The following IER3IP1 variants were observed in gnomAD, a reference collection of about 807,000 sequenced individuals.
The protein encoded by IER3IP1 is immediate early response 3-interacting protein 1.
IER3IP1 carries 16 observed loss-of-function variants against 12.2 expected under a neutral mutation model. That is an observed-to-expected ratio of 1.31 (90% CI 0.89 to 1.99). IER3IP1 has a LOEUF of 1.99. Among genes scored for constraint, IER3IP1 ranks in the 30% most tolerant of loss-of-function variants. IER3IP1 has a pLI of 0.00. For synonymous variants in IER3IP1, 42 were observed against 40.0 expected, an observed-to-expected ratio of 1.05 and a Z score of -0.19; for missense variants, 95 against 95.8, an observed-to-expected ratio of 0.99 and a Z score of 0.03.
Position 47,155,623 on chromosome 18 carries a change from TACTC to T in IER3IP1, c.*550_*553del, listed in dbSNP as rs1645964360. The T allele has an allele frequency of 6.6e-6, 1 of 152,280 alleles. No individual in the cohort carries two copies. The highest frequency in any genetic ancestry group is 2.4e-5 in the African/African-American group (1 of 41,456). 9.4% of individuals were successfully genotyped at this position (152,280 alleles called of 1,614,324 possible). On this transcript the variant is annotated 3_prime_UTR_variant, in exon 3 of 3. Coordinates refer to ENST00000256433, the MANE Select transcript of IER3IP1 (RefSeq NM_016097.5). The stretch of plus-strand genomic sequence containing the variant: ...TCTCCCTGAAATCAGAGAATATTAA[TACTC>T]AATAGTATGTATAAATTTGAATTTA...
intron 1 of IER3IP1, among the ~76,000 whole-genome samples, chr18:47,163,036 T>C (rs2063984719): frequency 6.6e-6 from 1 of 152,080 alleles, no homozygotes; most frequent in Admixed American, 6.6e-5. Flanking sequence ...GGGCATATAC[T>C]CCAAGATCCC....
chr18:47,175,185 T>C (rs2064028349), intron 1 of IER3IP1, among the ~76,000 whole-genome samples: 1 of 152,244 alleles, frequency 6.6e-6, no homozygotes, highest in African/African-American at 2.4e-5. Context: ...ACGGGCATAC[T>C]TGGTACACAA....
At chr18:47,164,228 T>C (rs556009783) in intron 1 of IER3IP1, among the ~76,000 whole-genome samples, 2 of 151,878 alleles carry the variant, frequency 1.3e-5, no homozygotes, top group African/African-American at 4.8e-5. Context: ...TTTAAACATA[T>C]AGTAAGTTAG....
intron 1 of IER3IP1, 97 bp downstream of exon 1, chr18:47,176,090 G>C: frequency 1.0e-6 from 1 of 996,244 alleles, no homozygotes; most frequent in Non-Finnish European, 1.5e-6. Context: ...CTGTTCTTCT[G>C]TCCCGGCCCT....
chr18:47,172,620 A>G lies in IER3IP1; in HGVS notation c.91+3567T>C, dbSNP rs1354995298. ...AATGTGCATATGCTGGACAAAGGGA[A>G]GATTCATGTCCTCATGATACAGGAT... is the stretch of plus-strand genomic sequence containing the variant. On this transcript the variant is annotated intron_variant, in intron 1 of 2. Transcript: ENST00000256433. This position sits in a 1 kb window ranked among gnomAD's most constrained non-coding sequence, Gnocchi z 4.0. Among the ~76,000 whole-genome samples, 2 of 152,240 alleles carry G rather than the reference A, an allele frequency of 1.3e-5. No homozygotes were observed. The highest frequency in any genetic ancestry group is 2.9e-5 in the Non-Finnish European group (2 of 68,044).
At chr18:47,160,649 C>A (rs139487249) in intron 1 of IER3IP1, among the ~76,000 whole-genome samples, 2 of 152,138 alleles carry the variant, frequency 1.3e-5, no homozygotes, top group Non-Finnish European at 2.9e-5. Context: ...ACACACTAAT[C>A]CCTTCCCCAA....
In IER3IP1 at chr18:47,172,519, G is replaced by T. The variant is rs1352497478; in HGVS notation, c.91+3668C>A. Among the ~76,000 whole-genome samples, 2 of 152,134 alleles carry T rather than the reference G, an allele frequency of 1.3e-5. No homozygotes were observed. The highest frequency in any genetic ancestry group is 2.9e-5 in the Non-Finnish European group (2 of 68,028). On this transcript the variant is annotated intron_variant, in intron 1 of 2. Coordinates refer to ENST00000256433, the MANE Select transcript of IER3IP1 (RefSeq NM_016097.5). The surrounding 1 kb of genome is among the most constrained non-coding windows in gnomAD (Gnocchi z 4.0). ...TCCACAGTAGATGCCTGAAACAGAAGATAGTACCCAACCGTATATGTAGTG... is the reference window on the plus strand; with the variant it reads ...TCCACAGTAGATGCCTGAAACAGAATATAGTACCCAACCGTATATGTAGTG...
chr18:47,166,837 A>G (rs529754874), intron 1 of IER3IP1, among the ~76,000 whole-genome samples: 208 of 152,316 alleles, frequency 1.4e-3, no homozygotes, highest in Non-Finnish European at 2.2e-3. Context: ...AAATATTTTA[A>G]ACTTCTATTT....
chr18:47,174,557 C>T (rs1304643317), intron 1 of IER3IP1, among the ~76,000 whole-genome samples: 6 of 151,766 alleles, frequency 4.0e-5, no homozygotes, highest in South Asian at 4.2e-4. Context: ...TAATCCCAGC[C>T]ATTCGGGAAG....
Position 47,156,165 on chromosome 18 carries a change from C to G in IER3IP1, c.*12G>C. The G allele has an allele frequency of 6.7e-7, 1 of 1,482,316 alleles. No homozygotes were observed. Among genetic ancestry groups the G allele is most frequent in the East Asian group, 2.3e-5 (1 of 44,176 alleles). The allele number at this position is 1,482,316 out of a possible 1,614,324, so 91.8% of individuals were successfully genotyped here. A position where few individuals can be genotyped will look rare whatever the true frequency, so the allele number is the denominator to read the frequency against. On this transcript the variant is annotated 3_prime_UTR_variant, in exon 3 of 3. Coordinates refer to ENST00000256433, the MANE Select transcript of IER3IP1 (RefSeq NM_016097.5). Reference sequence around the variant, plus strand: ...ATGTCCTCTTCTGAGTCTCCATTTTCTCCACTGATATTCATCCAAATAATA... The same window carrying G: ...ATGTCCTCTTCTGAGTCTCCATTTTGTCCACTGATATTCATCCAAATAATA...
rs1002921901 is a variant in IER3IP1, at chr18:47,155,664, A to G, written c.*513T>C. 6.6e-6 allele frequency: 1 copy of G among 152,488 alleles called. No homozygotes were observed. Among genetic ancestry groups the G allele is most frequent in the Non-Finnish European group, 1.5e-5 (1 of 68,260 alleles). The allele number at this position is 152,488 out of a possible 1,614,324, so 9.4% of individuals were successfully genotyped here. ...TAAATTTGAATTTATAGCTGAGACA[A>G]TAGACAAAATAATTAACCAAGGAGC... On this transcript the variant is annotated 3_prime_UTR_variant, in exon 3 of 3. Coordinates refer to ENST00000256433, the MANE Select transcript of IER3IP1 (RefSeq NM_016097.5).
At chr18:47,173,574 C>T (rs2064021972) in intron 1 of IER3IP1, among the ~76,000 whole-genome samples, 2 of 152,154 alleles carry the variant, frequency 1.3e-5, no homozygotes, top group South Asian at 4.1e-4. Flanking sequence ...AAACTCATGA[C>T]CTCAAGTGAT....
intron 1 of IER3IP1, among the ~76,000 whole-genome samples, chr18:47,169,089 T>A (rs1243841620): frequency 7.2e-5 from 11 of 152,160 alleles, no homozygotes; most frequent in Non-Finnish European, 1.5e-5. Context: ...CCTCAGGCCC[T>A]CCAGCACCAA....
intron 1 of IER3IP1, among the ~76,000 whole-genome samples, chr18:47,169,679 GT>G (rs201861004): frequency 0.052 from 7,952 of 151,824 alleles, 254 homozygotes; most frequent in East Asian, 0.092. Context: ...TATGGTTTCG[GT>G]TTGCACTTCT....
chr18:47,161,824 G>A (rs1599995665), intron 1 of IER3IP1, among the ~76,000 whole-genome samples: 1 of 151,524 alleles, frequency 6.6e-6, no homozygotes, highest in East Asian at 1.9e-4. Context: ...CCATAATGTA[G>A]AATCAGTGAG....
intron 1 of IER3IP1, among the ~76,000 whole-genome samples, chr18:47,175,525 G>A (rs1316107531): frequency 6.6e-6 from 1 of 152,040 alleles, no homozygotes; most frequent in Non-Finnish European, 1.5e-5. Flanking sequence ...GTGCAATGGC[G>A]CAATCTCGGC....
chr18:47,166,750 CA>C (rs1202600927), intron 1 of IER3IP1, among the ~76,000 whole-genome samples: 2 of 151,982 alleles, frequency 1.3e-5, no homozygotes, highest in Non-Finnish European at 2.9e-5. Flanking sequence ...TCTAAAAACC[CA>C]AATTAAAAAC....
intron 1 of IER3IP1, among the ~76,000 whole-genome samples, chr18:47,173,407 C>T (rs965276334): frequency 6.6e-6 from 1 of 152,020 alleles, no homozygotes. Flanking sequence ...AGTGCAGTGG[C>T]GTGATCTCAG....
chr18:47,172,506 G>A lies in IER3IP1; in HGVS notation c.91+3681C>T, dbSNP rs1374923865. On this transcript the variant is annotated intron_variant, in intron 1 of 2. Coordinates refer to ENST00000256433, the MANE Select transcript of IER3IP1 (RefSeq NM_016097.5). The surrounding 1 kb of genome is among the most constrained non-coding windows in gnomAD (Gnocchi z 4.0). ...TACACTTCAAGATTCCACAGTAGAT[G>A]CCTGAAACAGAAGATAGTACCCAAC... 5.3e-5 allele frequency among the ~76,000 whole-genome samples: 8 copies of A among 152,052 alleles called. No homozygotes were observed. Among genetic ancestry groups the A allele is most frequent in the Non-Finnish European group, 1.2e-4 (8 of 68,024 alleles).
Sources: gnomAD v4.1 joint callset for allele counts (sites outside exome capture counted in the v4.1 genomes callset) on GRCh38, gnomAD v4.1.1 for gene constraint, Gnocchi (gnomAD v3.1) non-coding constraint, MANE v1.5 for transcripts, NCBI Gene and HGNC (gene_info 2026-07-23, HGNC 2026-07-21) for gene names.